OPA3: variants seen among roughly 807,000 people sequenced by gnomAD.
The protein encoded by OPA3 is optic atrophy 3 protein.
Under a neutral mutation model 4.0 loss-of-function variants are expected in OPA3, and 6 were observed. That is an observed-to-expected ratio of 1.51 (90% CI 0.83 to 2.99). The LOEUF is 2.99. Among genes scored for constraint, OPA3 ranks in the 30% most tolerant of loss-of-function variants. The pLI, the probability that OPA3 is intolerant of heterozygous loss-of-function variation, is 0.00. For missense variants in OPA3, 235 were observed against 256.2 expected (o/e 0.92, Z 0.56); for synonymous variants, 105 against 117.1 (o/e 0.90, Z 0.67).
chr19:45,550,283 A>T lies in OPA3; in HGVS notation c.*3231T>A. The T allele has an allele frequency of 1.0e-6, 1 of 985,456 alleles. No individual in the cohort carries two copies. Among genetic ancestry groups the T allele is most frequent in the Middle Eastern group, 5.2e-4 (1 of 1,916 alleles). 61.0% of individuals were successfully genotyped at this position (985,456 alleles called of 1,614,324 possible). On this transcript the variant is annotated 3_prime_UTR_variant, in exon 2 of 2. Transcript: ENST00000263275. Reference sequence around the variant, plus strand: ...ACCTCTTTAGAGAAGGGAGGTGAGGATGGAAGTCGGGGAAAGCCCGGCCCT... The same window carrying T: ...ACCTCTTTAGAGAAGGGAGGTGAGGTTGGAAGTCGGGGAAAGCCCGGCCCT...
At position 45,584,644 on chromosome 19, in the gene OPA3, T is replaced by G; in HGVS notation, c.121A>C (p.Ile41Leu). 1 of 1,614,128 alleles carries G rather than the reference T, an allele frequency of 6.2e-7. No homozygotes were observed. Among genetic ancestry groups the G allele is most frequent in the Non-Finnish European group, 8.5e-7 (1 of 1,180,016 alleles). The change falls in exon 1 of 2, where the codon ATC becomes CTC. Residue 41 changes from isoleucine (I) to leucine (L), a missense_variant. Transcript: ENST00000263275. ...TCACGTTGAGCCGGCGGGAGGCAGA[T>G]ATAGGTCTTGAAGAACTCGCTTCGG... ...ARRSEFFKTY[I>L]CLPPAQLYHW...
rs1321324327 is a variant in OPA3 at position 45,548,379 on chromosome 19, G to T, written c.*5135C>A. 2 of 985,496 alleles carry T rather than the reference G, an allele frequency of 2.0e-6. No homozygotes were observed. The highest frequency in any genetic ancestry group is 3.5e-5 in the African/African-American group (2 of 57,256). The allele number at this position is 985,496 out of a possible 1,614,324, so 61.0% of individuals were successfully genotyped here. ...GACAGCAGGGCCTGCCAGGAGATGG[G>T]AGGGGCACAGCCCTCAGGGCACCTC... is the stretch of plus-strand genomic sequence containing the variant. On this transcript the variant is annotated 3_prime_UTR_variant, in exon 2 of 2. Coordinates refer to ENST00000263275, the MANE Select transcript of OPA3 (RefSeq NM_025136.4).
At chr19:45,574,131 C>T (rs964385365) in intron 1 of OPA3, among the ~76,000 whole-genome samples, 9 of 151,920 alleles carry the variant, frequency 5.9e-5, no homozygotes, top group Admixed American at 1.3e-4. Flanking sequence ...CAGTGGCTCA[C>T]GCCTGTAATC....
intron 1 of OPA3, among the ~76,000 whole-genome samples, chr19:45,540,173 C>T (rs1320175701): frequency 6.6e-6 from 1 of 151,722 alleles, no homozygotes; most frequent in African/African-American, 2.4e-5. Flanking sequence ...AAAAATTAGC[C>T]GGGTGTGGTG....
chr19:45,546,538 CA>C lies in OPA3; in HGVS notation c.*6975del. The C allele has an allele frequency of 2.7e-6, 1 of 374,476 alleles. No individual in the cohort carries two copies. Among genetic ancestry groups the C allele is most frequent in the Non-Finnish European group, 3.7e-6 (1 of 272,502 alleles). 23.2% of individuals were successfully genotyped at this position (374,476 alleles called of 1,614,324 possible). A position where few individuals can be genotyped will look rare whatever the true frequency, so the allele number is the denominator to read the frequency against. On this transcript the variant is annotated 3_prime_UTR_variant, in exon 2 of 2. Coordinates refer to ENST00000263275, the MANE Select transcript of OPA3 (RefSeq NM_025136.4). ...TGAGACAGGGTCTCACTTTGTCTCCCAGGTTGAGGTGCTGTGGCCTGATCTC... is the reference window on the plus strand; with the variant it reads ...TGAGACAGGGTCTCACTTTGTCTCCCGGTTGAGGTGCTGTGGCCTGATCTC...
At chr19:45,554,695 G>C (rs1313235145) in intron 1 of OPA3, among the ~76,000 whole-genome samples, 1 of 152,220 alleles carries the variant, frequency 6.6e-6, no homozygotes, top group Non-Finnish European at 1.5e-5. Context: ...ACCACAGAGG[G>C]AACCCTTGTG....
In OPA3 at chr19:45,553,183, A is replaced by G. The variant is rs1440175003; in HGVS notation, c.*331T>C. 37 of 1,313,156 alleles carry G rather than the reference A, an allele frequency of 2.8e-5. No individual in the cohort carries two copies. Among genetic ancestry groups the G allele is most frequent in the Non-Finnish European group, 3.4e-5 (35 of 1,024,050 alleles). The allele number at this position is 1,313,156 out of a possible 1,614,324, so 81.3% of individuals were successfully genotyped here. Reference sequence around the variant, plus strand: ...CAGGTAAACCGGGGGTGGGGGTAACAATAACACATTGATTCAGCTCAAGAC... The same window carrying G: ...CAGGTAAACCGGGGGTGGGGGTAACGATAACACATTGATTCAGCTCAAGAC... On this transcript the variant is annotated 3_prime_UTR_variant, in exon 2 of 2. Coordinates refer to ENST00000263275, the MANE Select transcript of OPA3 (RefSeq NM_025136.4).
intron 1 of OPA3, chr19:45,529,553 T>G: frequency 6.9e-7 from 1 of 1,450,890 alleles, no homozygotes; most frequent in Non-Finnish European, 9.6e-7. Flanking sequence ...GCAATGGGGA[T>G]GTGGTCACCA....
chr19:45,551,931 G>C lies in OPA3; in HGVS notation c.*1583C>G. ...GAGAAATGCTACTGAGCAAGGTGGG[G>C]AAGGCAAGAAAGGACATGCCACACA... On this transcript the variant is annotated 3_prime_UTR_variant, in exon 2 of 2. Coordinates refer to ENST00000263275, the MANE Select transcript of OPA3 (RefSeq NM_025136.4). 2.0e-6 allele frequency: 2 copies of C among 985,610 alleles called. No homozygotes were observed. Among genetic ancestry groups the C allele is most frequent in the Non-Finnish European group, 2.4e-6 (2 of 830,054 alleles). The allele number at this position is 985,610 out of a possible 1,614,324, so 61.1% of individuals were successfully genotyped here.
chr19:45,581,318 A>C (rs1038868340), intron 1 of OPA3, among the ~76,000 whole-genome samples: 5 of 152,260 alleles, frequency 3.3e-5, no homozygotes, highest in African/African-American at 1.2e-4. Context: ...GGGGAAAAAA[A>C]GTGCACTCCC....
chr19:45,547,108 G>A lies in OPA3; in HGVS notation c.*6406C>T, dbSNP rs1249447457. 1.3e-5 allele frequency: 2 copies of A among 152,362 alleles called. No individual in the cohort carries two copies. Among genetic ancestry groups the A allele is most frequent in the Non-Finnish European group, 2.9e-5 (2 of 68,164 alleles). 9.4% of individuals were successfully genotyped at this position (152,362 alleles called of 1,614,324 possible). Reference sequence around the variant, plus strand: ...GGAGGGAGGGAGGACTCCACAGAGGGGGAAGCTGAAGCCAGATGTGGTGGA... The same window carrying A: ...GGAGGGAGGGAGGACTCCACAGAGGAGGAAGCTGAAGCCAGATGTGGTGGA... On this transcript the variant is annotated 3_prime_UTR_variant, in exon 2 of 2. Transcript: ENST00000263275.
chr19:45,584,585 A>G, intron 1 of OPA3, 38 bp downstream of exon 1: 1 of 1,614,050 alleles, frequency 6.2e-7, no homozygotes, highest in Non-Finnish European at 8.5e-7. Context: ...GGGGTTGGAG[A>G]AAGGAAAAAG....
intron 1 of OPA3, among the ~76,000 whole-genome samples, chr19:45,581,051 G>T (rs181866354): frequency 6.6e-6 from 1 of 152,314 alleles, no homozygotes; most frequent in Non-Finnish European, 1.5e-5. Context: ...CGTATGACCT[G>T]AGCAATTAAC....
rs1307575867 is a variant in OPA3 at position 45,548,165 on chromosome 19, G to A, written c.*5349C>T. The A allele has an allele frequency of 1.0e-6, 1 of 985,956 alleles. No individual in the cohort carries two copies. Among genetic ancestry groups the A allele is most frequent in the Non-Finnish European group, 1.2e-6 (1 of 830,366 alleles). 61.1% of individuals were successfully genotyped at this position (985,956 alleles called of 1,614,324 possible). On this transcript the variant is annotated 3_prime_UTR_variant, in exon 2 of 2. Transcript: ENST00000263275. ...CCTCTCTCTGTCCACACCGACTCCA[G>A]CTACAAGCCATTGCCACTGGGGGAC...
chr19:45,565,776 C>T (rs12977175), intron 1 of OPA3, among the ~76,000 whole-genome samples: 44,813 of 151,656 alleles, frequency 0.3, 7,075 homozygotes, highest in Middle Eastern at 0.39. Context: ...TGAGCCACCG[C>T]GCCCGGCCAC....
Position 45,548,790 on chromosome 19 carries a change from CTTAT to C in OPA3, c.*4720_*4723del, listed in dbSNP as rs58537694. The C allele has an allele frequency of 0.047, 25,809 of 547,218 alleles. 778 individuals are homozygous for C. The highest frequency in any genetic ancestry group is 0.13 in the East Asian group (850 of 6,374). 33.9% of individuals were successfully genotyped at this position (547,218 alleles called of 1,614,324 possible). ...TATTTTTCCTAAGGTTGACATGGAC[CTTAT>C]TTATTTATTTATTTATTTATTTATT... On this transcript the variant is annotated 3_prime_UTR_variant, in exon 2 of 2. Transcript: ENST00000263275.
At chr19:45,532,946 C>A (rs139141679) in intron 1 of OPA3, among the ~76,000 whole-genome samples, 1 of 152,048 alleles carries the variant, frequency 6.6e-6, no homozygotes, top group African/African-American at 2.4e-5. Context: ...GGCTGGAGTG[C>A]GATGACACCA....
intron 1 of OPA3, among the ~76,000 whole-genome samples, chr19:45,566,065 C>T (rs1446874279): frequency 6.6e-6 from 1 of 152,078 alleles, no homozygotes; most frequent in Non-Finnish European, 1.5e-5. Flanking sequence ...CAAACGAAAG[C>T]CAGCAATATA....
chr19:45,533,884 T>C (rs1159979156), intron 1 of OPA3, among the ~76,000 whole-genome samples: 1 of 152,244 alleles, frequency 6.6e-6, no homozygotes, highest in African/African-American at 2.4e-5. Context: ...GGGCAGGTTG[T>C]TGCCTCTGAC....
Sources: gnomAD v4.1 joint callset for allele counts (sites outside exome capture counted in the v4.1 genomes callset) on GRCh38, gnomAD v4.1.1 for gene constraint, MANE v1.5 for transcripts, NCBI Gene and HGNC (gene_info 2026-07-23, HGNC 2026-07-21) for gene names.